The following TMEM260 variants were observed in gnomAD, a reference collection of about 807,000 sequenced individuals.
TMEM260 encodes protein O-mannosyl-transferase TMEM260.
Under a neutral mutation model 88.9 loss-of-function variants are expected in TMEM260, and 82 were observed. The ratio of observed to expected loss-of-function variants is 0.92; its 90% CI spans 0.77 to 1.11. The LOEUF (loss-of-function observed/expected upper bound fraction) is 1.11. Ranked by LOEUF, TMEM260 falls within the 50% of genes least tolerant of loss-of-function variation. The pLI is 0.00. For missense variants in TMEM260, 902 were observed against 853.4 expected (o/e 1.06, Z -0.71); for synonymous variants, 314 against 309.3 (o/e 1.02, Z -0.16).
chr14:56,638,404 C>T (rs1039897182), intron 15 of TMEM260: 1 of 151,882 alleles, frequency 6.6e-6, no homozygotes, highest in African/African-American at 2.4e-5. Flanking sequence ...CCTTGTAATT[C>T]TATGAAAAAC....
intron 5 of TMEM260, among the ~76,000 whole-genome samples, chr14:56,605,918 C>T (rs1389962451): frequency 1.3e-5 from 2 of 152,140 alleles, no homozygotes; most frequent in Non-Finnish European, 2.9e-5. Context: ...TGAATAGCAT[C>T]TTGATGAAAG....
intron 11 of TMEM260, among the ~76,000 whole-genome samples, chr14:56,623,935 G>A (rs1888082760): frequency 6.6e-6 from 1 of 152,064 alleles, no homozygotes; most frequent in Non-Finnish European, 1.5e-5. Context: ...TTAAAAAGAG[G>A]GAATGAATAC....
intron 3 of TMEM260, among the ~76,000 whole-genome samples, chr14:56,596,379 A>AGTGT (rs1179693743): frequency 4.0e-5 from 2 of 50,108 alleles, no homozygotes; most frequent in African/African-American, 9.1e-5. Context: ...TATATATGTG[A>AGTGT]GAGTGTGTGT....
In TMEM260 at chr14:56,618,777, A is replaced by G. The variant is rs1887738554; in HGVS notation, c.1226+14A>G. 1.2e-6 allele frequency: 2 copies of G among 1,609,454 alleles called. No individual in the cohort carries two copies. Among genetic ancestry groups the G allele is most frequent in the Admixed American group, 1.7e-5 (1 of 59,678 alleles). The stretch of plus-strand genomic sequence containing the variant: ...TTCTAATTACAGGTAATACATGGTT[A>G]TTTTTATGAAAAGTAGCTGTCAAGC... On this transcript the variant is annotated intron_variant, in intron 10 of 15. Transcript: ENST00000261556.
intron 12 of TMEM260, 50 bp downstream of exon 12, chr14:56,625,580 A>C: frequency 6.7e-7 from 1 of 1,496,912 alleles, no homozygotes; most frequent in Non-Finnish European, 9.1e-7. Context: ...AAGCTTTTCT[A>C]AAATTGTTTC....
chr14:56,580,532 A>G lies in TMEM260; in HGVS notation c.160+458A>G, dbSNP rs191568397. On this transcript the variant is annotated intron_variant, in intron 1 of 15. Transcript: ENST00000261556. ...TATTCACTGGTGATAAGTTATGGAG[A>G]CAGTAGGAGGGAAATATGATTGAGA... is the stretch of plus-strand genomic sequence containing the variant. Among the ~76,000 whole-genome samples, 328 of 152,308 alleles carry G rather than the reference A, an allele frequency of 2.2e-3. 6 individuals are homozygous for G. The highest frequency in any genetic ancestry group is 0.018 in the Admixed American group (281 of 15,300).
intron 5 of TMEM260, 34 bp from the exon 6 acceptor site, chr14:56,609,072 A>T: frequency 6.3e-7 from 1 of 1,593,028 alleles, no homozygotes; most frequent in Non-Finnish European, 8.6e-7. Context: ...ACTAAAATAA[A>T]CATTGTTATA....
At chr14:56,645,412 A>C (rs922795081) in intron 15 of TMEM260, among the ~76,000 whole-genome samples, 1 of 151,082 alleles carries the variant, frequency 6.6e-6, no homozygotes, top group Non-Finnish European at 1.5e-5. Flanking sequence ...CAAGCACCAC[A>C]TGTTCTCACT....
chr14:56,617,773 A>G (rs1407483385), intron 9 of TMEM260, among the ~76,000 whole-genome samples: 3 of 152,184 alleles, frequency 2.0e-5, no homozygotes, highest in Non-Finnish European at 4.4e-5. Flanking sequence ...GTAAATGTCA[A>G]TAGCACTTTT....
At position 56,612,303 on chromosome 14, in the gene TMEM260, G is replaced by A. The variant is rs1218986857; in HGVS notation, c.857+18G>A. 6.2e-7 allele frequency: 1 copy of A among 1,601,122 alleles called. No individual in the cohort carries two copies. Among genetic ancestry groups the A allele is most frequent in the Admixed American group, 1.7e-5 (1 of 59,944 alleles). On this transcript the variant is annotated intron_variant, in intron 7 of 15. Coordinates refer to ENST00000261556, the MANE Select transcript of TMEM260 (RefSeq NM_017799.4). ...ATACTGCTGTGAGTATGAAATATTT[G>A]AAACTACTTTAAAATGAATTCTCTA... is the stretch of plus-strand genomic sequence containing the variant.
intron 3 of TMEM260, among the ~76,000 whole-genome samples, chr14:56,588,369 C>A (rs1174475095): frequency 1.3e-5 from 2 of 151,960 alleles, no homozygotes; most frequent in Non-Finnish European, 2.9e-5. Flanking sequence ...ACCTTTTAAA[C>A]AAAGATTTTA....
intron 12 of TMEM260, among the ~76,000 whole-genome samples, chr14:56,629,861 C>T (rs1004177816): frequency 2.0e-5 from 3 of 147,820 alleles, no homozygotes; most frequent in African/African-American, 5.3e-5. Flanking sequence ...ATAGGGAGAC[C>T]CTGTCGCTAC....
At chr14:56,617,369 C>G in intron 9 of TMEM260, 72 bp downstream of exon 9, 1 of 940,014 alleles carries the variant, frequency 1.1e-6, no homozygotes, top group Non-Finnish European at 1.6e-6. Context: ...TTTCATAAAT[C>G]TTGTAGAAGG....
chr14:56,600,841 G>C (rs1284297357), intron 3 of TMEM260, among the ~76,000 whole-genome samples: 1 of 152,126 alleles, frequency 6.6e-6, no homozygotes, highest in Non-Finnish European at 1.5e-5. Flanking sequence ...ATGCTAAAAA[G>C]GTTGAGATTT....
At chr14:56,641,753 G>A (rs1469892140) in intron 15 of TMEM260, among the ~76,000 whole-genome samples, 1 of 152,230 alleles carries the variant, frequency 6.6e-6, no homozygotes, top group East Asian at 1.9e-4. Context: ...CCATCAGTGT[G>A]CTGTATTCAG....
At chr14:56,641,125 G>C (rs1889561410) in intron 15 of TMEM260, among the ~76,000 whole-genome samples, 1 of 150,802 alleles carries the variant, frequency 6.6e-6, no homozygotes, top group South Asian at 2.1e-4. Flanking sequence ...TCCCAACCTA[G>C]CAAGTCAGGC....
intron 10 of TMEM260, among the ~76,000 whole-genome samples, 199 bp from the exon 11 acceptor site, chr14:56,621,332 T>A (rs745508631): frequency 8.5e-5 from 13 of 152,080 alleles, no homozygotes; most frequent in Non-Finnish European, 1.6e-4. Flanking sequence ...GTAGACTGAT[T>A]TTTTTTCAAT....
intron 3 of TMEM260, among the ~76,000 whole-genome samples, chr14:56,601,345 A>T (rs939152433): frequency 1.3e-5 from 2 of 152,140 alleles, no homozygotes; most frequent in African/African-American, 4.8e-5. Context: ...AGCTTCAGGT[A>T]ACACATTTCT....
chr14:56,621,129 A>G (rs1245484405), intron 10 of TMEM260, among the ~76,000 whole-genome samples: 1 of 152,090 alleles, frequency 6.6e-6, no homozygotes, highest in Admixed American at 6.5e-5. Context: ...AGAAATGGGC[A>G]GATTTCCTTT....
Sources: gnomAD v4.1 joint callset for allele counts (sites outside exome capture counted in the v4.1 genomes callset) on GRCh38, gnomAD v4.1.1 for gene constraint, MANE v1.5 for transcripts, NCBI Gene and HGNC (gene_info 2026-07-23, HGNC 2026-07-21) for gene names.